Variants in PPARGC1A observed in about 807,000 individuals in gnomAD.
The protein encoded by PPARGC1A is peroxisome proliferator-activated receptor gamma coactivator 1-alpha.
PPARGC1A carries 25 observed loss-of-function variants against 88.7 expected under a neutral mutation model. The observed-to-expected ratio is 0.28, with a 90% confidence interval of 0.21 to 0.39. The LOEUF is 0.39. PPARGC1A is among the 10% of genes least tolerant of loss of function. The pLI is 1.00. For synonymous variants in PPARGC1A, 363 were observed against 355.6 expected, an observed-to-expected ratio of 1.02 and a Z score of -0.24; for missense variants, 880 against 968.7, an observed-to-expected ratio of 0.91 and a Z score of 1.22.
the PPARGC1A span, among the ~76,000 whole-genome samples, chr4:24,414,356 C>A: frequency 7.9e-5 from 12 of 152,226 alleles, no homozygotes; most frequent in South Asian, 2.5e-3. Flanking sequence ...TTATTCTCTT[C>A]TTTTTCTCCT....
At chr4:24,217,612 G>C in the PPARGC1A span, among the ~76,000 whole-genome samples, 3 of 152,070 alleles carry the variant, frequency 2.0e-5, no homozygotes, top group African/African-American at 4.8e-5. Flanking sequence ...AGGCCAGCCT[G>C]GTCAACATGG....
the PPARGC1A span, among the ~76,000 whole-genome samples, chr4:24,339,930 G>T: frequency 1.3e-5 from 2 of 151,948 alleles, no homozygotes; most frequent in Non-Finnish European, 2.9e-5. Flanking sequence ...GTAGAGGCAG[G>T]GTTTCACCGT....
At chr4:24,085,570 G>A in the PPARGC1A span, among the ~76,000 whole-genome samples, 3 of 152,262 alleles carry the variant, frequency 2.0e-5, no homozygotes, top group Middle Eastern at 6.8e-3. Flanking sequence ...TGCCTCTATT[G>A]AGAGCTGTGG....
At chr4:24,384,245 G>A in the PPARGC1A span, among the ~76,000 whole-genome samples, 1 of 152,082 alleles carries the variant, frequency 6.6e-6, no homozygotes, top group Non-Finnish European at 1.5e-5. Context: ...ACTAAATATG[G>A]AGAGGAAAAA....
chr4:23,844,873 T>TTATA (rs1560429974), intron 2 of PPARGC1A, among the ~76,000 whole-genome samples: 14 of 72,054 alleles, frequency 1.9e-4, no homozygotes, highest in East Asian at 9.1e-4. Flanking sequence ...ATATATATTA[T>TTATA]ATACACACAC....
At chr4:24,263,713 T>G in the PPARGC1A span, among the ~76,000 whole-genome samples, 1 of 152,150 alleles carries the variant, frequency 6.6e-6, no homozygotes, top group African/African-American at 2.4e-5. Context: ...GATGATCCAC[T>G]TCCACTTAAT....
chr4:24,213,012 T>A, the PPARGC1A span, among the ~76,000 whole-genome samples: 6 of 152,114 alleles, frequency 3.9e-5, no homozygotes, highest in African/African-American at 1.4e-4. Flanking sequence ...TCAGCCTTGT[T>A]GGTGGACACC....
At chr4:24,096,106 G>A in the PPARGC1A span, among the ~76,000 whole-genome samples, 4 of 152,278 alleles carry the variant, frequency 2.6e-5, no homozygotes, top group East Asian at 5.8e-4. Context: ...TCTCAGGTTA[G>A]TGGGTTCTCA....
the PPARGC1A span, among the ~76,000 whole-genome samples, chr4:24,294,130 G>A: frequency 5.3e-5 from 8 of 152,228 alleles, no homozygotes; most frequent in South Asian, 1.0e-3. Flanking sequence ...TACCAAAGCC[G>A]AGGCTTTTGG....
At chr4:24,344,151 G>A in the PPARGC1A span, among the ~76,000 whole-genome samples, 1 of 151,908 alleles carries the variant, frequency 6.6e-6, no homozygotes, top group African/African-American at 2.4e-5. Flanking sequence ...CTCATTGATT[G>A]GTGGGCATTT....
chr4:23,869,937 G>C (rs182177132), intron 2 of PPARGC1A, among the ~76,000 whole-genome samples: 1 of 152,054 alleles, frequency 6.6e-6, no homozygotes. Flanking sequence ...CTATTGATAA[G>C]GAAAAAGAAT....
At chr4:23,910,245 A>T in the PPARGC1A span, among the ~76,000 whole-genome samples, 182 of 106,126 alleles carry the variant, frequency 1.7e-3, 1 homozygote, top group African/African-American at 6.1e-3. Flanking sequence ...TAATATATAT[A>T]AATATATATT....
chr4:24,466,783 G>A, the PPARGC1A span, among the ~76,000 whole-genome samples: 26 of 150,284 alleles, frequency 1.7e-4, no homozygotes, highest in Admixed American at 7.4e-4. Flanking sequence ...GCGTTGTGGC[G>A]TGCGCCTGTT....
chr4:24,096,543 A>T, the PPARGC1A span, among the ~76,000 whole-genome samples: 76 of 152,370 alleles, frequency 5.0e-4, no homozygotes, highest in African/African-American at 1.7e-3. Flanking sequence ...AAATTTTGAA[A>T]TAAAGTAAAA....
chr4:24,228,571 A>G, the PPARGC1A span, among the ~76,000 whole-genome samples: 1 of 152,146 alleles, frequency 6.6e-6, no homozygotes, highest in South Asian at 2.1e-4. Flanking sequence ...TGACAGGATC[A>G]TGCATATCCC....
chr4:24,049,605 TG>T, the PPARGC1A span, among the ~76,000 whole-genome samples: 15 of 152,182 alleles, frequency 9.9e-5, 1 homozygote, highest in South Asian at 3.1e-3. Context: ...TGGGCCTTTG[TG>T]GGAGAGATAA....
chr4:24,015,630 G>T, the PPARGC1A span, among the ~76,000 whole-genome samples: 3 of 152,058 alleles, frequency 2.0e-5, no homozygotes, highest in Non-Finnish European at 4.4e-5. Flanking sequence ...AGTTCACAGT[G>T]GCGTGTGTGC....
At chr4:24,297,207 G>C in the PPARGC1A span, among the ~76,000 whole-genome samples, 1 of 152,158 alleles carries the variant, frequency 6.6e-6, no homozygotes, top group African/African-American at 2.4e-5. Context: ...ATACAGGCAT[G>C]AGGTAGGCAT....
chr4:24,188,186 G>T, the PPARGC1A span, among the ~76,000 whole-genome samples: 1 of 152,082 alleles, frequency 6.6e-6, no homozygotes, highest in Admixed American at 6.5e-5. Context: ...CTGTGAGCAG[G>T]GGGAGAAAAA....
Sources: gnomAD v4.1 joint callset for allele counts (sites outside exome capture counted in the v4.1 genomes callset) on GRCh38, gnomAD v4.1.1 for gene constraint, MANE v1.5 for transcripts, NCBI Gene and HGNC (gene_info 2026-07-23, HGNC 2026-07-21) for gene names.